The following ARB2A variants were observed in gnomAD, a reference collection of about 807,000 sequenced individuals.
ARB2A encodes ARB2 cotranscriptional regulator A.
At chr5:93,756,993 G>A in the ARB2A span, among the ~76,000 whole-genome samples, 1 of 151,884 alleles carries the variant, frequency 6.6e-6, no homozygotes, top group Non-Finnish European at 1.5e-5. Flanking sequence ...AGAAGTGAAG[G>A]GAGAAATATT....
the ARB2A span, among the ~76,000 whole-genome samples, chr5:93,951,973 T>C: frequency 2.0e-5 from 3 of 152,190 alleles, no homozygotes; most frequent in African/African-American, 7.2e-5. Flanking sequence ...TGGTAAGATA[T>C]GAACCCAAGG....
chr5:93,745,551 A>T, the ARB2A span, among the ~76,000 whole-genome samples: 1 of 152,018 alleles, frequency 6.6e-6, no homozygotes, highest in Non-Finnish European at 1.5e-5. Context: ...TAGGAAGGTG[A>T]TCCTTGCTTC....
the ARB2A span, among the ~76,000 whole-genome samples, chr5:94,082,351 G>C: frequency 1.3e-5 from 2 of 151,990 alleles, no homozygotes; most frequent in African/African-American, 2.4e-5. Context: ...TTATTATTTT[G>C]ATCATTATCA....
chr5:93,910,090 T>C, the ARB2A span, among the ~76,000 whole-genome samples: 2 of 151,102 alleles, frequency 1.3e-5, no homozygotes, highest in South Asian at 2.1e-4. Context: ...GCCATATATA[T>C]ATATATCACT....
At chr5:93,650,779 A>G in the ARB2A span, among the ~76,000 whole-genome samples, 1 of 151,806 alleles carries the variant, frequency 6.6e-6, no homozygotes, top group Non-Finnish European at 1.5e-5. Context: ...CCTTGAGCTC[A>G]GGAGTTCAAG....
the ARB2A span, among the ~76,000 whole-genome samples, chr5:94,089,955 AAT>A: frequency 1.2e-4 from 19 of 152,182 alleles, no homozygotes; most frequent in Admixed American, 3.9e-4. Context: ...TAAACTCAAG[AAT>A]CTTACTATGA....
chr5:93,652,829 T>C, the ARB2A span, among the ~76,000 whole-genome samples: 2 of 152,206 alleles, frequency 1.3e-5, no homozygotes, highest in South Asian at 4.1e-4. Flanking sequence ...TTGAGGACTT[T>C]TACTTTAAAA....
the ARB2A span, among the ~76,000 whole-genome samples, chr5:93,669,556 T>C: frequency 6.6e-6 from 1 of 152,208 alleles, no homozygotes; most frequent in Non-Finnish European, 1.5e-5. Flanking sequence ...CTTAATGTTA[T>C]TAAAATTCTT....
the ARB2A span, among the ~76,000 whole-genome samples, chr5:93,845,512 G>T: frequency 6.6e-6 from 1 of 152,234 alleles, no homozygotes; most frequent in African/African-American, 2.4e-5. Flanking sequence ...AGAAGAGGCA[G>T]TAAAAAACCA....
At chr5:93,971,249 C>T in the ARB2A span, among the ~76,000 whole-genome samples, 23 of 152,042 alleles carry the variant, frequency 1.5e-4, no homozygotes, top group Non-Finnish European at 2.6e-4. Flanking sequence ...CCGCCCGCCT[C>T]GGCCTCCCAA....
chr5:93,976,609 T>G, the ARB2A span, among the ~76,000 whole-genome samples: 1 of 152,166 alleles, frequency 6.6e-6, no homozygotes, highest in Non-Finnish European at 1.5e-5. Flanking sequence ...CAGGAGTTTT[T>G]CCTGTGCTCT....
At chr5:93,735,459 A>G in the ARB2A span, 1 of 152,250 alleles carries the variant, frequency 6.6e-6, no homozygotes, top group Non-Finnish European at 1.5e-5. Flanking sequence ...CAATTTCTCC[A>G]CATCTGTAGA....
the ARB2A span, among the ~76,000 whole-genome samples, chr5:94,005,423 G>C: frequency 6.6e-6 from 1 of 152,216 alleles, no homozygotes; most frequent in East Asian, 1.9e-4. Context: ...GCCCAGGGTG[G>C]TCTTGAACTC....
chr5:93,929,695 T>C, the ARB2A span, among the ~76,000 whole-genome samples: 3 of 152,080 alleles, frequency 2.0e-5, no homozygotes, highest in South Asian at 2.1e-4. Flanking sequence ...CTTTCAGAAA[T>C]AAACTCTTTT....
the ARB2A span, among the ~76,000 whole-genome samples, chr5:93,859,551 TA>T: frequency 2.0e-5 from 3 of 152,236 alleles, no homozygotes; most frequent in African/African-American, 7.2e-5. Context: ...AAAATATTTT[TA>T]AAAAGACAAG....
At chr5:93,850,062 T>C in the ARB2A span, among the ~76,000 whole-genome samples, 1 of 152,178 alleles carries the variant, frequency 6.6e-6, no homozygotes, top group Non-Finnish European at 1.5e-5. Flanking sequence ...GGACTTTAAT[T>C]CATTTGCCCA....
the ARB2A span, among the ~76,000 whole-genome samples, chr5:93,792,013 C>T: frequency 4.0e-3 from 604 of 151,624 alleles, 6 homozygotes; most frequent in African/African-American, 0.014. Context: ...CTACAAAATA[C>T]GTGATGTGGT....
the ARB2A span, among the ~76,000 whole-genome samples, chr5:93,864,095 T>G: frequency 6.6e-6 from 1 of 152,132 alleles, no homozygotes; most frequent in Non-Finnish European, 1.5e-5. Flanking sequence ...TAAGAAAATG[T>G]AAAAAATCTA....
the ARB2A span, among the ~76,000 whole-genome samples, chr5:94,061,853 A>G: frequency 6.6e-6 from 1 of 152,222 alleles, no homozygotes; most frequent in Non-Finnish European, 1.5e-5. Flanking sequence ...ATAGATATCA[A>G]TTCTCCCCAA....
Sources: gnomAD v4.1 joint callset for allele counts (sites outside exome capture counted in the v4.1 genomes callset) on GRCh38, gnomAD v4.1.1 for gene constraint, MANE v1.5 for transcripts, NCBI Gene and HGNC (gene_info 2026-07-23, HGNC 2026-07-21) for gene names.